Variants in LOXHD1 observed in about 807,000 individuals in gnomAD.
LOXHD1 encodes lipoxygenase homology domain-containing protein 1.
Under a neutral mutation model 248.2 loss-of-function variants are expected in LOXHD1, and 205 were observed. The observed-to-expected ratio is 0.83, with a 90% confidence interval of 0.74 to 0.93. The LOEUF is 0.93. Among genes scored for constraint, LOXHD1 ranks in the 40% least tolerant of loss-of-function variants. The pLI, the probability that LOXHD1 is intolerant of heterozygous loss-of-function variation, is 0.00. For synonymous variants in LOXHD1, 1,113 were observed against 1,162.8 expected, an observed-to-expected ratio of 0.96 and a Z score of 0.87; for missense variants, 2,930 against 2,971.6, an observed-to-expected ratio of 0.99 and a Z score of 0.33.
intron 21 of LOXHD1, among the ~76,000 whole-genome samples, chr18:46,550,260 G>A (rs1318413337): frequency 6.6e-6 from 1 of 152,174 alleles, no homozygotes; most frequent in Non-Finnish European, 1.5e-5. Context: ...GGAATCCCTG[G>A]GCTGTAAGGG....
In LOXHD1 at chr18:46,557,537, C is replaced by T. The variant is rs549838219; in HGVS notation, c.3217-48G>A. On this transcript the variant is annotated intron_variant, in intron 20 of 40. Transcript: ENST00000642948. Reference sequence around the variant, plus strand: ...CAGTGGGGTAAGACCTACCCCTCCCCACATGGCCATCAGCCCCATCCTCCC... The same window carrying T: ...CAGTGGGGTAAGACCTACCCCTCCCTACATGGCCATCAGCCCCATCCTCCC... 1.9e-5 allele frequency: 29 copies of T among 1,549,544 alleles called. No individual in the cohort carries two copies. The South Asian group carries it at 3.2e-4, about 17-fold the overall frequency.
At chr18:46,529,973 T>G (rs2035992065) in intron 28 of LOXHD1, among the ~76,000 whole-genome samples, 2 of 152,128 alleles carry the variant, frequency 1.3e-5, no homozygotes, top group African/African-American at 4.8e-5. Context: ...TTATTAAAAA[T>G]TATTACGAAA....
rs183960711 is a variant in LOXHD1 at position 46,622,721 on chromosome 18, T to C, written c.512-4431A>G. Among the ~76,000 whole-genome samples, 26 of 152,282 alleles carry C rather than the reference T, an allele frequency of 1.7e-4. No individual in the cohort carries two copies. In the East Asian group the frequency reaches 4.8e-3, roughly 28 times the overall value. ...TGCAGTAGAGCATGTCCTATGCCCATTGTGAATGAGCAGGGCCAACTTTCC... is the reference window on the plus strand; with the variant it reads ...TGCAGTAGAGCATGTCCTATGCCCACTGTGAATGAGCAGGGCCAACTTTCC... On this transcript the variant is annotated intron_variant, in intron 4 of 40. Transcript: ENST00000642948.
chr18:46,599,881 C>A (rs2038309417), intron 8 of LOXHD1, among the ~76,000 whole-genome samples: 1 of 152,060 alleles, frequency 6.6e-6, no homozygotes, highest in African/African-American at 2.4e-5. Context: ...TTACAACCTC[C>A]AAAATGGTGA....
At chr18:46,558,599 G>A (rs2037432809) in intron 20 of LOXHD1, among the ~76,000 whole-genome samples, 1 of 152,144 alleles carries the variant, frequency 6.6e-6, no homozygotes, top group Non-Finnish European at 1.5e-5. Context: ...CAAGAAATGA[G>A]CCCAGAAATA....
intron 4 of LOXHD1, 62 bp from the exon 5 acceptor site, chr18:46,618,352 C>T (rs1599053576): frequency 9.0e-7 from 1 of 1,105,256 alleles, no homozygotes; most frequent in East Asian, 2.6e-5. Flanking sequence ...AATAGAGGCC[C>T]CAAAGTAGCT....
intron 37 of LOXHD1, among the ~76,000 whole-genome samples, chr18:46,504,780 C>T (rs2034455701): frequency 6.6e-6 from 1 of 152,206 alleles, no homozygotes; most frequent in Non-Finnish European, 1.5e-5. Flanking sequence ...TTCAGGACAG[C>T]TCTGGGCAGC....
At chr18:46,586,766 A>T (rs2038069545) in intron 12 of LOXHD1, among the ~76,000 whole-genome samples, 1 of 152,226 alleles carries the variant, frequency 6.6e-6, no homozygotes, top group Non-Finnish European at 1.5e-5. Context: ...TGTTTTTAAA[A>T]ATGGACATGA....
rs1555684723 is a variant in LOXHD1 at position 46,598,507 on chromosome 18, A to AT, written c.1134+2709dup. On this transcript the variant is annotated intron_variant, in intron 8 of 40. Transcript: ENST00000642948. ...GAAGAAAGAACTATAAGCTTTGAAA[A>AT]TTAAAAAAAAAAACTGTTATCATTT... is the stretch of plus-strand genomic sequence containing the variant. Among the ~76,000 whole-genome samples, 920 of 126,838 alleles carry AT rather than the reference A, an allele frequency of 7.3e-3. 10 individuals carry two copies. Among genetic ancestry groups the AT allele is most frequent in the African/African-American group, 0.018 (680 of 38,644 alleles). The allele number at this position is 126,838 out of a possible 152,430, so 83.2% of individuals were successfully genotyped here. A position where few individuals can be genotyped will look rare whatever the true frequency, so the allele number is the denominator to read the frequency against.
chr18:46,566,505 A>G (rs2037645530), intron 16 of LOXHD1, 56 bp from the exon 17 acceptor site: 1 of 1,450,432 alleles, frequency 6.9e-7, no homozygotes, highest in African/African-American at 1.4e-5. Flanking sequence ...AACCTCCATG[A>G]TCCCATCCCT....
chr18:46,604,137 C>T lies in LOXHD1; in HGVS notation c.852G>A (p.Arg284=). The T allele has an allele frequency of 6.4e-7, 1 of 1,551,708 alleles. No individual in the cohort carries two copies. Among genetic ancestry groups the T allele is most frequent in the Non-Finnish European group, 8.7e-7 (1 of 1,146,990 alleles). ...TCTCAGCTCCGCCCACTAAGATATC[C>T]CTTTGGATTTTGCCATCGTCTTCGT... ...ALDEDDGKIQ[R]DILVGGAETT... Residue 284 remains arginine (R), a synonymous_variant, in exon 7 of 41, where the codon AGG becomes AGA. Coordinates refer to ENST00000642948, the MANE Select transcript of LOXHD1 (RefSeq NM_001384474.1).
At chr18:46,651,926 C>A (rs2039116940) in intron 1 of LOXHD1, among the ~76,000 whole-genome samples, 1 of 152,198 alleles carries the variant, frequency 6.6e-6, no homozygotes, top group Admixed American at 6.5e-5. Context: ...CCCACAAAGA[C>A]CTGCACACAA....
At chr18:46,532,134 CA>C (rs1568147018) in intron 28 of LOXHD1, among the ~76,000 whole-genome samples, 1 of 152,192 alleles carries the variant, frequency 6.6e-6, no homozygotes, top group African/African-American at 2.4e-5. Context: ...GAAGACAACA[CA>C]ACAAATTTAA....
At chr18:46,618,365 C>A in intron 4 of LOXHD1, 75 bp from the exon 5 acceptor site, 2 of 947,042 alleles carry the variant, frequency 2.1e-6, no homozygotes, top group South Asian at 1.4e-5. Context: ...AAGTAGCTAC[C>A]ACACCATCTA....
intron 12 of LOXHD1, among the ~76,000 whole-genome samples, chr18:46,583,937 A>G (rs1156896291): frequency 5.3e-5 from 8 of 152,204 alleles, no homozygotes; most frequent in African/African-American, 1.9e-4. Flanking sequence ...AAGATATAGA[A>G]TCAACCTAAG....
intron 10 of LOXHD1, among the ~76,000 whole-genome samples, chr18:46,593,057 A>G (rs1258500180): frequency 6.6e-6 from 1 of 152,188 alleles, no homozygotes; most frequent in Admixed American, 6.6e-5. Flanking sequence ...TGAGTGGTGT[A>G]ACAGAGGTAC....
chr18:46,585,515 C>G (rs185053728), intron 12 of LOXHD1, among the ~76,000 whole-genome samples: 2 of 151,984 alleles, frequency 1.3e-5, no homozygotes, highest in Non-Finnish European at 1.5e-5. Flanking sequence ...CTCTGGAAAC[C>G]ACAAAATATT....
intron 39 of LOXHD1, among the ~76,000 whole-genome samples, chr18:46,483,953 T>C (rs975696320): frequency 3.9e-5 from 6 of 152,176 alleles, no homozygotes; most frequent in African/African-American, 7.2e-5. Context: ...ACTAGCTGCC[T>C]GGCCTCAGCA....
intron 4 of LOXHD1, among the ~76,000 whole-genome samples, chr18:46,625,821 G>A (rs995536822): frequency 6.6e-6 from 1 of 152,042 alleles, no homozygotes; most frequent in Non-Finnish European, 1.5e-5. Context: ...GCAGTCACTC[G>A]TCCTCCTTTG....
Sources: gnomAD v4.1 joint callset for allele counts (sites outside exome capture counted in the v4.1 genomes callset) on GRCh38, gnomAD v4.1.1 for gene constraint, MANE v1.5 for transcripts, NCBI Gene and HGNC (gene_info 2026-07-23, HGNC 2026-07-21) for gene names.